Variants in SPATA6L observed in about 807,000 individuals in gnomAD.
SPATA6L encodes the protein spermatogenesis associated 6 like, also known as spermatogenesis associated 6-like protein.
A neutral mutation model predicts 49.2 loss-of-function variants in SPATA6L; 68 were observed. The ratio of observed to expected loss-of-function variants is 1.38; its 90% CI spans 1.14 to 1.69. The LOEUF is 1.69. Ranked by LOEUF, SPATA6L falls within the 40% of genes most tolerant of loss-of-function variation. The pLI is 0.00. For synonymous variants in SPATA6L, 198 were observed against 165.7 expected, an observed-to-expected ratio of 1.19 and a Z score of -1.50; for missense variants, 668 against 464.3, an observed-to-expected ratio of 1.44 and a Z score of -4.03.
intron 1 of SPATA6L, among the ~76,000 whole-genome samples, chr9:4,665,754 G>C (rs1347739922): frequency 1.3e-5 from 2 of 152,208 alleles, no homozygotes; most frequent in Admixed American, 1.3e-4. Flanking sequence ...GAATTAGCAA[G>C]CCAGAGCTAT....
chr9:4,637,037 G>T (rs1253761418), intron 3 of SPATA6L, among the ~76,000 whole-genome samples: 1 of 151,984 alleles, frequency 6.6e-6, no homozygotes, highest in African/African-American at 2.4e-5. Flanking sequence ...ACCTTCCAAT[G>T]GGCTTCCCAT....
intron 4 of SPATA6L, among the ~76,000 whole-genome samples, chr9:4,631,668 A>C (rs1282295150): frequency 2.0e-5 from 3 of 152,256 alleles, no homozygotes; most frequent in Non-Finnish European, 4.4e-5. Flanking sequence ...CAATTGATAA[A>C]TTAGGAGAAA....
chr9:4,658,950 CAAA>C (rs34665368), intron 2 of SPATA6L, among the ~76,000 whole-genome samples: 20 of 94,558 alleles, frequency 2.1e-4, no homozygotes, highest in South Asian at 3.6e-4. Flanking sequence ...ACTCTGTCTC[CAAA>C]AAAAAAAAAA....
At chr9:4,598,054 C>T (rs924637640), downstream of SPATA6L, among the ~76,000 whole-genome samples, 1 of 152,196 alleles carries the variant, frequency 6.6e-6, no homozygotes, top group African/African-American at 2.4e-5. Context: ...TTTGCACTCT[C>T]ATTTTTTAAA....
At chr9:4,650,860 G>C (rs1186958543) in intron 3 of SPATA6L, among the ~76,000 whole-genome samples, 1 of 131,840 alleles carries the variant, frequency 7.6e-6, no homozygotes, top group Non-Finnish European at 1.6e-5. Context: ...GTGTGTGTGT[G>C]TGTGTGTGTG....
rs761983419 is a variant in SPATA6L, at chr9:4,605,350, G to T, written c.1086C>A (p.Asn362Lys). ...TAGTTTTATAAGAAAGTCTAACCTT[G>T]TTTTGGTGCAGCTGTGCTCTGTGGG... Reference protein sequence around the residue: ...LTSHRAQLHQNKEDSTSEVNY... With the variant: ...LTSHRAQLHQKKEDSTSEVNY... Residue 362 changes from asparagine to lysine, a missense_variant, in exon 10 of 12, where the codon AAC becomes AAA. Asn to Lys is a moderately conservative substitution (Grantham distance 94). Coordinates refer to ENST00000682582, the MANE Select transcript of SPATA6L (RefSeq NM_001353486.2). The T allele has an allele frequency of 1.2e-6, 2 of 1,612,644 alleles. No individual in the cohort carries two copies. Among genetic ancestry groups the T allele is most frequent in the Admixed American group, 1.7e-5 (1 of 60,018 alleles).
In SPATA6L at chr9:4,622,388, G is replaced by A. The variant is rs569073029; in HGVS notation, c.772+20C>T. 9 of 1,477,852 alleles carry A rather than the reference G, an allele frequency of 6.1e-6. No individual in the cohort carries two copies. The highest frequency in any genetic ancestry group is 8.5e-6 in the Non-Finnish European group (9 of 1,056,812). The allele number at this position is 1,477,852 out of a possible 1,614,324, so 91.5% of individuals were successfully genotyped here. ...TGTTGCCATAGGGAAATGTACAGGA[G>A]TAACAAGAAACTCGAGTACCTCTTC... On this transcript the variant is annotated intron_variant, in intron 7 of 11. Coordinates refer to ENST00000682582, the MANE Select transcript of SPATA6L (RefSeq NM_001353486.2).
intron 5 of SPATA6L, chr9:4,627,028 T>C (rs1830477886): frequency 6.6e-6 from 1 of 152,378 alleles, no homozygotes; most frequent in South Asian, 2.1e-4. Flanking sequence ...TTTATCTTTG[T>C]TTTCTAATTT....
downstream of SPATA6L, among the ~76,000 whole-genome samples, chr9:4,596,062 A>T (rs575189028): frequency 6.6e-6 from 1 of 152,298 alleles, no homozygotes; most frequent in African/African-American, 2.4e-5. Flanking sequence ...GACAGTCACA[A>T]ATCCTGCCTG....
At chr9:4,663,100 G>A (rs1241982954) in intron 1 of SPATA6L, 5 of 1,613,956 alleles carry the variant, frequency 3.1e-6, no homozygotes, top group Non-Finnish European at 4.2e-6. Context: ...GTGGTTCTGT[G>A]GGCCTTCGTC....
chr9:4,596,249 AAGG>A (rs1822247025), downstream of SPATA6L, among the ~76,000 whole-genome samples: 1 of 152,170 alleles, frequency 6.6e-6, no homozygotes, highest in Non-Finnish European at 1.5e-5. Context: ...GAGCACACAG[AAGG>A]AGTTTAACAA....
rs772633048 is a variant in SPATA6L, at chr9:4,662,754, T to C, written c.40-718A>G. The C allele has an allele frequency of 6.2e-7, 1 of 1,604,086 alleles. No homozygotes were observed. The highest frequency in any genetic ancestry group is 1.1e-5 in the South Asian group (1 of 91,082). On this transcript the variant is annotated intron_variant, in intron 1 of 11. Transcript: ENST00000682582. The surrounding 1 kb of genome is among the most constrained non-coding windows in gnomAD (Gnocchi z 4.9). ...GGTGTGCGCGGGAGAGAGCTCGTCG[T>C]GGGGCAGCGTGCGACCCCTTATGAA...
At chr9:4,628,200 G>A in intron 5 of SPATA6L, 6 of 183,002 alleles carry the variant, frequency 3.3e-5, no homozygotes, top group Admixed American at 1.1e-4. Flanking sequence ...AGAACAACAG[G>A]GTGACTATAG....
chr9:4,641,773 G>T (rs1834088709), intron 3 of SPATA6L, among the ~76,000 whole-genome samples: 1 of 152,106 alleles, frequency 6.6e-6, no homozygotes. Context: ...AAATTGTTTT[G>T]TTCTGTTTTG....
Position 4,634,916 on chromosome 9 carries a change from C to T in SPATA6L, c.351+359G>A, listed in dbSNP as rs183730484. Among the ~76,000 whole-genome samples, 177 of 152,192 alleles carry T rather than the reference C, an allele frequency of 1.2e-3. 1 individual carries two copies. The highest frequency in any genetic ancestry group is 4.0e-3 in the African/African-American group (167 of 41,536). On this transcript the variant is annotated intron_variant, in intron 4 of 11. Coordinates refer to ENST00000682582, the MANE Select transcript of SPATA6L (RefSeq NM_001353486.2). ...GAATTGTTGGGAGAAAAATATCTTA[C>T]GTAAAAAATTGAAAGCGCAAAATAA...
intron 1 of SPATA6L, chr9:4,665,090 T>C (rs959333786): frequency 6.0e-6 from 1 of 167,166 alleles, no homozygotes; most frequent in African/African-American, 2.4e-5. Context: ...TGGAATTCTC[T>C]GTTTTAGTTG....
At chr9:4,659,077 T>C (rs891042608) in intron 2 of SPATA6L, among the ~76,000 whole-genome samples, 3 of 152,288 alleles carry the variant, frequency 2.0e-5, no homozygotes, top group Non-Finnish European at 4.4e-5. Flanking sequence ...AACATCTAAC[T>C]GGGAGAACTA....
chr9:4,655,417 C>T (rs1837906610), intron 3 of SPATA6L, among the ~76,000 whole-genome samples: 1 of 152,152 alleles, frequency 6.6e-6, no homozygotes, highest in Non-Finnish European at 1.5e-5. Context: ...TGCTAATGGG[C>T]ATAGGGCCGC....
intron 3 of SPATA6L, among the ~76,000 whole-genome samples, chr9:4,638,193 A>G (rs1024354472): frequency 4.0e-5 from 6 of 150,690 alleles, no homozygotes; most frequent in Non-Finnish European, 7.4e-5. Flanking sequence ...ACAGGAGGGA[A>G]GATGGGTGTA....
Sources: allele counts gnomAD v4.1 joint callset (sites outside exome capture counted in the v4.1 genomes callset), GRCh38; gene constraint gnomAD v4.1.1; non-coding constraint Gnocchi (gnomAD v3.1); transcripts MANE v1.5; gene names NCBI Gene and HGNC (gene_info 2026-07-23, HGNC 2026-07-21).